PLCB1: variants seen among roughly 807,000 people sequenced by gnomAD.
The protein encoded by PLCB1 is phospholipase C beta 1, also known as 1-phosphatidylinositol 4,5-bisphosphate phosphodiesterase beta-1.
Under a neutral mutation model 161.8 loss-of-function variants are expected in PLCB1, and 46 were observed. That is an observed-to-expected ratio of 0.28 (90% CI 0.22 to 0.36). PLCB1 has a LOEUF of 0.36. Ranked by LOEUF, PLCB1 falls within the 10% of genes least tolerant of loss-of-function variation. The pLI is 1.00. For synonymous variants in PLCB1, 517 were observed against 503.7 expected (o/e 1.03, Z -0.35); for missense variants, 1,016 against 1,472.5 (o/e 0.69, Z 5.07).
chr20:8,455,432 CTTTTTT>C (rs1175763739), intron 3 of PLCB1, among the ~76,000 whole-genome samples: 4 of 74,168 alleles, frequency 5.4e-5, no homozygotes, highest in Non-Finnish European at 9.1e-5. Flanking sequence ...TATTCTTCCT[CTTTTTT>C]TTTTTTTTTT....
chr20:8,508,710 A>G (rs192916743), intron 3 of PLCB1, among the ~76,000 whole-genome samples: 6 of 152,206 alleles, frequency 3.9e-5, no homozygotes, highest in Non-Finnish European at 5.9e-5. Context: ...CTCTAAAAGC[A>G]CTTCCACGTA....
At chr20:8,422,779 G>A (rs1001646581) in intron 3 of PLCB1, among the ~76,000 whole-genome samples, 4 of 152,236 alleles carry the variant, frequency 2.6e-5, no homozygotes, top group Non-Finnish European at 4.4e-5. Flanking sequence ...GCCAGTCAGC[G>A]TTACCAGCAA....
At chr20:8,207,411 G>C (rs993736732) in intron 2 of PLCB1, among the ~76,000 whole-genome samples, 4 of 152,106 alleles carry the variant, frequency 2.6e-5, no homozygotes, top group Non-Finnish European at 5.9e-5. Flanking sequence ...CCTTAAAGAA[G>C]CATGGCATCA....
intron 1 of PLCB1, among the ~76,000 whole-genome samples, chr20:8,140,143 C>G (rs1378546778): frequency 2.6e-5 from 4 of 152,090 alleles, no homozygotes; most frequent in Non-Finnish European, 1.5e-5. Flanking sequence ...CCCGGGAGTT[C>G]CTTCTTGATT....
intron 3 of PLCB1, among the ~76,000 whole-genome samples, chr20:8,546,575 A>G (rs1209422028): frequency 6.6e-6 from 1 of 152,140 alleles, no homozygotes; most frequent in Admixed American, 6.6e-5. Flanking sequence ...GGGGGGAGGT[A>G]ATGTAATGCA....
At chr20:8,620,049 T>G (rs182364809) in intron 3 of PLCB1, among the ~76,000 whole-genome samples, 1 of 152,296 alleles carries the variant, frequency 6.6e-6, no homozygotes, top group East Asian at 1.9e-4. Context: ...TTGTATTCCC[T>G]GAGCTTCAAC....
chr20:8,662,019 AATATACAATTATTT>A (rs1174619085), intron 9 of PLCB1, among the ~76,000 whole-genome samples: 532 of 17,134 alleles, frequency 0.031, no homozygotes, highest in East Asian at 0.051. Flanking sequence ...AATTATATAT[AATATACAATTATTT>A]ATTATATAAT....
intron 31 of PLCB1, among the ~76,000 whole-genome samples, chr20:8,860,708 A>G: frequency 6.6e-6 from 1 of 152,252 alleles, no homozygotes; most frequent in East Asian, 1.9e-4. Context: ...TCTTTGAGAA[A>G]TTAGTATAAT....
intron 3 of PLCB1, among the ~76,000 whole-genome samples, chr20:8,535,162 C>A (rs147890892): frequency 2.2e-5 from 2 of 92,902 alleles, no homozygotes; most frequent in African/African-American, 4.1e-5. Flanking sequence ...GCTGACCATT[C>A]TATTAGAGCA....
intron 3 of PLCB1, among the ~76,000 whole-genome samples, chr20:8,488,963 T>C (rs1329827672): frequency 6.6e-6 from 1 of 152,214 alleles, no homozygotes; most frequent in Admixed American, 6.5e-5. Context: ...TTCTGTTTAA[T>C]CTCAGCAGTG....
intron 31 of PLCB1, among the ~76,000 whole-genome samples, chr20:8,866,997 T>C (rs1027596489): frequency 1.3e-5 from 2 of 152,182 alleles, no homozygotes; most frequent in Admixed American, 1.3e-4. Context: ...CTAACCACTC[T>C]TGAAATATAC....
At chr20:8,500,529 C>G (rs971319209) in intron 3 of PLCB1, among the ~76,000 whole-genome samples, 10 of 152,180 alleles carry the variant, frequency 6.6e-5, no homozygotes, top group Admixed American at 5.9e-4. Context: ...TGTACCTGAG[C>G]TGTACCTGTA....
At chr20:8,677,015 A>G (rs553764857) in intron 9 of PLCB1, among the ~76,000 whole-genome samples, 182 of 152,312 alleles carry the variant, frequency 1.2e-3, no homozygotes, top group African/African-American at 4.1e-3. Context: ...AAGCACTCCA[A>G]AAAAAGGTGG....
intron 3 of PLCB1, among the ~76,000 whole-genome samples, chr20:8,604,380 C>A (rs1987696612): frequency 6.6e-6 from 1 of 150,502 alleles, no homozygotes; most frequent in South Asian, 2.1e-4. Context: ...CTAAAGAAAT[C>A]TGCAAATTAA....
chr20:8,845,915 T>G (rs1443684853), intron 31 of PLCB1, among the ~76,000 whole-genome samples: 1 of 152,196 alleles, frequency 6.6e-6, no homozygotes, highest in African/African-American at 2.4e-5. Flanking sequence ...CTGCCAAGTG[T>G]CCTGTAGGGA....
chr20:8,637,883 C>T (rs1369452092), intron 4 of PLCB1, among the ~76,000 whole-genome samples: 1 of 152,114 alleles, frequency 6.6e-6, no homozygotes, highest in Non-Finnish European at 1.5e-5. Context: ...TAAAAACTGA[C>T]CATTTATTTT....
At chr20:8,740,511 A>G in intron 22 of PLCB1, 63 bp downstream of exon 22, 1 of 944,174 alleles carries the variant, frequency 1.1e-6, no homozygotes, top group Non-Finnish European at 1.6e-6. Flanking sequence ...GTCACCATAT[A>G]TTTTTGGGTT....
intron 3 of PLCB1, among the ~76,000 whole-genome samples, chr20:8,392,444 A>T (rs571891489): frequency 3.9e-4 from 60 of 152,306 alleles, no homozygotes; most frequent in Non-Finnish European, 5.3e-4. Flanking sequence ...ATAGTAGCAC[A>T]CATAGACTAA....
chr20:8,584,237 G>A (rs1263195629), intron 3 of PLCB1, among the ~76,000 whole-genome samples: 1 of 152,054 alleles, frequency 6.6e-6, no homozygotes, highest in Non-Finnish European at 1.5e-5. Context: ...TAAAGAAACA[G>A]CCACTGATAC....
Sources: gnomAD v4.1 joint callset for allele counts (sites outside exome capture counted in the v4.1 genomes callset) on GRCh38, gnomAD v4.1.1 for gene constraint, MANE v1.5 for transcripts, NCBI Gene and HGNC (gene_info 2026-07-23, HGNC 2026-07-21) for gene names.